Variants in DMXL1 observed in about 807,000 individuals in gnomAD.
DMXL1 encodes dmX-like protein 1.
DMXL1 carries 99 observed loss-of-function variants against 319.2 expected under a neutral mutation model. The observed-to-expected ratio is 0.31, with a 90% CI of 0.26 to 0.37. The LOEUF (loss-of-function observed/expected upper bound fraction) is 0.37, where lower values mean the gene tolerates loss of function less well. DMXL1 is among the 10% of genes least tolerant of loss of function. DMXL1 has a pLI of 1.00. For synonymous variants in DMXL1, 1,385 were observed against 1,235.2 expected (o/e 1.12, Z -2.54); for missense variants, 3,745 against 3,595.6 (o/e 1.04, Z -1.06).
chr5:119,077,393 G>A (rs1751117256), intron 1 of DMXL1, among the ~76,000 whole-genome samples: 1 of 147,116 alleles, frequency 6.8e-6, no homozygotes, highest in Admixed American at 6.8e-5. Flanking sequence ...ATGAGTTTTT[G>A]TGAATAATTT....
chr5:119,130,873 A>G (rs1764716173), intron 10 of DMXL1, among the ~76,000 whole-genome samples: 1 of 152,150 alleles, frequency 6.6e-6, no homozygotes, highest in South Asian at 2.1e-4. Flanking sequence ...CAGGGAGTGT[A>G]GCAATTTAAA....
chr5:119,218,847 A>AT (rs889195978), intron 35 of DMXL1, among the ~76,000 whole-genome samples: 10 of 151,950 alleles, frequency 6.6e-5, no homozygotes, highest in East Asian at 3.8e-4. Flanking sequence ...TGCCATTGAG[A>AT]TTTTTTTTGC....
At chr5:119,210,757 G>GTTTTTTTTTTTTTTTTTTTTCCT in intron 34 of DMXL1, among the ~76,000 whole-genome samples, 3 of 89,778 alleles carry the variant, frequency 3.3e-5, no homozygotes, top group Non-Finnish European at 4.2e-5. Context: ...TTTTTCTTTC[G>GTTTTTTTTTTTTTTTTTTTTCCT]TTTTTTTTTT....
intron 4 of DMXL1, among the ~76,000 whole-genome samples, chr5:119,108,452 C>G (rs1033656583): frequency 6.6e-6 from 1 of 152,094 alleles, no homozygotes; most frequent in Non-Finnish European, 1.5e-5. Context: ...GAGACAGGGT[C>G]TTGCTCTGTT....
At chr5:119,242,015 A>G (rs900663939) in intron 42 of DMXL1, among the ~76,000 whole-genome samples, 1 of 152,198 alleles carries the variant, frequency 6.6e-6, no homozygotes, top group Non-Finnish European at 1.5e-5. Flanking sequence ...CACCACTTAC[A>G]ATCTGTATTT....
chr5:119,169,374 T>G (rs535512710), intron 23 of DMXL1, among the ~76,000 whole-genome samples: 1 of 152,318 alleles, frequency 6.6e-6, no homozygotes, highest in South Asian at 2.1e-4. Context: ...GATATGATTT[T>G]AAGATTGATT....
chr5:119,215,892 TC>T (rs988147540), intron 34 of DMXL1, among the ~76,000 whole-genome samples: 1 of 151,948 alleles, frequency 6.6e-6, no homozygotes, highest in Non-Finnish European at 1.5e-5. Flanking sequence ...AGTCTGGAGT[TC>T]CAGACCAGCC....
intron 40 of DMXL1, among the ~76,000 whole-genome samples, chr5:119,237,752 T>C (rs1201269221): frequency 1.3e-5 from 2 of 151,982 alleles, no homozygotes; most frequent in African/African-American, 4.8e-5. Context: ...GACCAATGCG[T>C]CTGGTTATTT....
intron 19 of DMXL1, among the ~76,000 whole-genome samples, chr5:119,160,771 C>T (rs1772103312): frequency 6.6e-6 from 1 of 152,092 alleles, no homozygotes; most frequent in Non-Finnish European, 1.5e-5. Context: ...ATGTAACATA[C>T]TTCTTTGTCT....
At chr5:119,162,145 A>G (rs1772414111) in intron 19 of DMXL1, among the ~76,000 whole-genome samples, 2 of 152,152 alleles carry the variant, frequency 1.3e-5, no homozygotes, top group Admixed American at 1.3e-4. Context: ...CCGCAAGCAA[A>G]TCAGCTGGGA....
intron 11 of DMXL1, 43 bp from the exon 12 acceptor site, chr5:119,133,451 T>C: frequency 1.9e-6 from 3 of 1,574,128 alleles, no homozygotes; most frequent in Non-Finnish European, 2.6e-6. Context: ...AATACCTCTT[T>C]ATATAATTTT....
intron 28 of DMXL1, among the ~76,000 whole-genome samples, chr5:119,182,981 G>A (rs1245684595): frequency 6.6e-6 from 1 of 152,072 alleles, no homozygotes; most frequent in African/African-American, 2.4e-5. Context: ...TGTGTTTTGT[G>A]ATACTTGCAT....
chr5:119,222,721 G>C (rs1453767683), intron 37 of DMXL1, among the ~76,000 whole-genome samples: 1 of 152,038 alleles, frequency 6.6e-6, no homozygotes, highest in Non-Finnish European at 1.5e-5. Flanking sequence ...TAAATAACAA[G>C]TCATTAATAG....
chr5:119,078,277 G>A (rs1299502597), intron 1 of DMXL1, among the ~76,000 whole-genome samples: 1 of 151,966 alleles, frequency 6.6e-6, no homozygotes, highest in Admixed American at 6.6e-5. Flanking sequence ...GCTGCACCTG[G>A]CTCATATTTT....
intron 42 of DMXL1, 72 bp downstream of exon 42, chr5:119,240,543 A>G: frequency 9.2e-7 from 1 of 1,087,108 alleles, no homozygotes; most frequent in Admixed American, 2.0e-5. Context: ...TTATAAGTGG[A>G]TTTGTTACTG....
chr5:119,246,710 T>A (rs1789863155), intron 43 of DMXL1, among the ~76,000 whole-genome samples: 1 of 145,520 alleles, frequency 6.9e-6, no homozygotes, highest in African/African-American at 2.5e-5. Flanking sequence ...CTTGGGTCAC[T>A]ACAAACTCCA....
chr5:119,211,210 T>G (rs1486366507), intron 34 of DMXL1, among the ~76,000 whole-genome samples: 3 of 152,138 alleles, frequency 2.0e-5, no homozygotes, highest in Admixed American at 2.0e-4. Flanking sequence ...TGAGGGATAT[T>G]GGTTTGTAGT....
Position 119,171,086 on chromosome 5 carries a change from G to T in DMXL1, c.6295G>T (p.Asp2099Tyr), listed in dbSNP as rs755099226. 19 of 1,613,690 alleles carry T rather than the reference G, an allele frequency of 1.2e-5. No homozygotes were observed. The East Asian group carries it at 1.3e-4, about 11-fold the overall frequency. ...RNEDEFGLNE[D>Y]AEDLPHQTKV... Reference sequence around the variant, plus strand: ...TGAAGATGAATTTGGATTAAATGAGGATGCTGAAGATTTGCCTCACCAAAC... The same window carrying T: ...TGAAGATGAATTTGGATTAAATGAGTATGCTGAAGATTTGCCTCACCAAAC... Residue 2099 changes from aspartate to tyrosine, a missense_variant, in exon 24 of 44, where the codon GAT (aspartate) becomes TAT (tyrosine). Asp to Tyr is a radical substitution (Grantham distance 160). This residue lies in a region of DMXL1 where 1,382 missense variants were observed against 1,269.5 expected (regional missense o/e 1.09). Transcript: ENST00000539542.
At position 119,079,360 on chromosome 5, in the gene DMXL1, C is replaced by T. The variant is rs539724245; in HGVS notation, c.87+7704C>T. 5.9e-5 allele frequency among the ~76,000 whole-genome samples: 9 copies of T among 152,272 alleles called. No homozygotes were observed. The East Asian group carries it at 7.7e-4, about 13-fold the overall frequency. On this transcript the variant is annotated intron_variant, in intron 1 of 43. Coordinates refer to ENST00000539542, the MANE Select transcript of DMXL1 (RefSeq NM_001290321.3). ...CAGGGTTAATCAGTCTTCTTGGTGC[C>T]GTGGATCTTATCTATTCAGGCTGTC...
Sources: allele counts gnomAD v4.1 joint callset (sites outside exome capture counted in the v4.1 genomes callset), GRCh38; gene constraint gnomAD v4.1.1; regional missense constraint gnomAD v4.1.1; transcripts MANE v1.5; gene names NCBI Gene and HGNC (gene_info 2026-07-23, HGNC 2026-07-21).